Variants in KCNB2 observed in about 807,000 individuals in gnomAD.
KCNB2 encodes the protein delayed rectifier potassium channel protein.
KCNB2 carries 15 observed loss-of-function variants against 61.5 expected under a neutral mutation model. The observed-to-expected ratio is 0.24, with a 90% CI of 0.16 to 0.38. KCNB2 has a LOEUF of 0.38. Ranked by LOEUF, KCNB2 falls within the 10% of genes least tolerant of loss-of-function variation. KCNB2 has a pLI of 1.00. For missense variants in KCNB2, 828 were observed against 1,125.2 expected (o/e 0.74, Z 3.78); for synonymous variants, 457 against 446.0 (o/e 1.02, Z -0.31).
chr8:72,639,962 A>G (rs1806029215), intron 2 of KCNB2, among the ~76,000 whole-genome samples: 2 of 152,008 alleles, frequency 1.3e-5, no homozygotes, highest in African/African-American at 4.8e-5. Context: ...GATAGCAGAG[A>G]AGGGGGGACT....
rs1309593991 is a variant in KCNB2 at position 72,537,732 on chromosome 8, T to A, written c.-247T>A. 1 of 152,300 alleles carries A rather than the reference T, an allele frequency of 6.6e-6. No individual in the cohort carries two copies. The highest frequency in any genetic ancestry group is 1.5e-5 in the Non-Finnish European group (1 of 68,296). 9.4% of individuals were successfully genotyped at this position (152,300 alleles called of 1,614,324 possible). A position where few individuals can be genotyped will look rare whatever the true frequency, so the allele number is the denominator to read the frequency against. On this transcript the variant is annotated 5_prime_UTR_variant, in exon 1 of 3. Transcript: ENST00000523207. Reference sequence around the variant, plus strand: ...GAGCTCCAGCCAGCCGGGGAGACCCTCCTCTCTGTGGAGGGGAGGGGGATT... The same window carrying A: ...GAGCTCCAGCCAGCCGGGGAGACCCACCTCTCTGTGGAGGGGAGGGGGATT...
intron 2 of KCNB2, among the ~76,000 whole-genome samples, chr8:72,806,935 A>G (rs1585904677): frequency 6.6e-6 from 1 of 152,196 alleles, no homozygotes; most frequent in East Asian, 1.9e-4. Context: ...AATGTATCAC[A>G]GATCTCTCTT....
intron 2 of KCNB2, among the ~76,000 whole-genome samples, chr8:72,617,758 T>C (rs1161481983): frequency 6.6e-6 from 1 of 152,136 alleles, no homozygotes; most frequent in Non-Finnish European, 1.5e-5. Context: ...TTATAAACTC[T>C]CCATCTAGTG....
chr8:72,691,349 A>G (rs1806937486), intron 2 of KCNB2, among the ~76,000 whole-genome samples: 1 of 152,228 alleles, frequency 6.6e-6, no homozygotes, highest in Admixed American at 6.5e-5. Context: ...AAGTTGCCAT[A>G]AAAAGAAAAG....
At chr8:72,736,489 A>G (rs1189872069) in intron 2 of KCNB2, among the ~76,000 whole-genome samples, 1 of 152,138 alleles carries the variant, frequency 6.6e-6, no homozygotes, top group Non-Finnish European at 1.5e-5. Context: ...TCGTCTTAAG[A>G]ATCCATGACA....
At chr8:72,781,922 G>T (rs1002701328) in intron 2 of KCNB2, among the ~76,000 whole-genome samples, 4 of 151,976 alleles carry the variant, frequency 2.6e-5, no homozygotes, top group African/African-American at 9.7e-5. Flanking sequence ...GAGAACACAG[G>T]GTCATAGGGA....
intron 1 of KCNB2, among the ~76,000 whole-genome samples, chr8:72,561,610 T>A (rs1336949320): frequency 2.1e-5 from 3 of 145,666 alleles, no homozygotes; most frequent in Non-Finnish European, 4.5e-5. Flanking sequence ...TATTAAATAT[T>A]TCTGACCAGG....
intron 2 of KCNB2, among the ~76,000 whole-genome samples, chr8:72,591,163 T>C (rs908483086): frequency 6.6e-6 from 1 of 152,126 alleles, no homozygotes; most frequent in African/African-American, 2.4e-5. Flanking sequence ...ACCTCCTAAG[T>C]GTACTTTCCC....
At chr8:72,761,755 A>T (rs1194537194) in intron 2 of KCNB2, among the ~76,000 whole-genome samples, 10 of 151,640 alleles carry the variant, frequency 6.6e-5, no homozygotes, top group Non-Finnish European at 2.9e-5. Context: ...TCCATTAGCT[A>T]TGAAAGTTAC....
chr8:72,635,339 G>A (rs1399014410), intron 2 of KCNB2, among the ~76,000 whole-genome samples: 3 of 152,166 alleles, frequency 2.0e-5, no homozygotes, highest in African/African-American at 4.8e-5. Context: ...CTAAAGCAAT[G>A]TAATTCAATT....
intron 1 of KCNB2, among the ~76,000 whole-genome samples, chr8:72,561,716 T>TAC (rs1806520248): frequency 1.5e-4 from 4 of 26,988 alleles, no homozygotes; most frequent in Admixed American, 6.0e-4. Context: ...TATATATATA[T>TAC]ATATATATAT....
At chr8:72,890,195 A>G (rs1298655359) in intron 2 of KCNB2, among the ~76,000 whole-genome samples, 1 of 152,194 alleles carries the variant, frequency 6.6e-6, no homozygotes, top group East Asian at 1.9e-4. Flanking sequence ...TCATCTACCT[A>G]AATACAAATA....
intron 1 of KCNB2, among the ~76,000 whole-genome samples, chr8:72,557,598 T>C (rs1013583031): frequency 6.6e-6 from 1 of 152,172 alleles, no homozygotes; most frequent in Non-Finnish European, 1.5e-5. Flanking sequence ...CTATTCCTCA[T>C]CAGTCCAGTG....
intron 2 of KCNB2, among the ~76,000 whole-genome samples, chr8:72,917,375 A>G (rs927164705): frequency 2.8e-4 from 39 of 137,950 alleles, no homozygotes; most frequent in African/African-American, 1.1e-3. Context: ...CACCCTTATT[A>G]TAATGTTCAG....
intron 2 of KCNB2, among the ~76,000 whole-genome samples, chr8:72,728,056 A>T (rs959512952): frequency 1.3e-5 from 2 of 152,160 alleles, no homozygotes; most frequent in East Asian, 3.9e-4. Flanking sequence ...CTTGTTGGGT[A>T]ACTTGTAATT....
At chr8:72,616,395 T>C (rs1001647234) in intron 2 of KCNB2, among the ~76,000 whole-genome samples, 4 of 152,236 alleles carry the variant, frequency 2.6e-5, no homozygotes, top group Admixed American at 1.3e-4. Context: ...GAGTTAATCT[T>C]ACCAGGCTTT....
At chr8:72,733,557 G>A (rs1807786387) in intron 2 of KCNB2, among the ~76,000 whole-genome samples, 2 of 152,146 alleles carry the variant, frequency 1.3e-5, no homozygotes, top group Non-Finnish European at 2.9e-5. Flanking sequence ...GTAAAGCAGG[G>A]ATTATAATGA....
At chr8:72,848,292 A>G (rs571463001) in intron 2 of KCNB2, among the ~76,000 whole-genome samples, 5 of 152,182 alleles carry the variant, frequency 3.3e-5, no homozygotes, top group Non-Finnish European at 7.4e-5. Flanking sequence ...AGCCTTTAGT[A>G]GCTACTTGAA....
In KCNB2 at chr8:72,722,027, A is replaced by C. The variant is rs142205809; in HGVS notation, c.579+153714A>C. Reference sequence around the variant, plus strand: ...TAGTGATAACCACCCTAGTTTTCACAGCTATGCCAGCTGGGAACCCCAGGA... The same window carrying C: ...TAGTGATAACCACCCTAGTTTTCACCGCTATGCCAGCTGGGAACCCCAGGA... On this transcript the variant is annotated intron_variant, in intron 2 of 2. Transcript: ENST00000523207. 8.8e-3 allele frequency among the ~76,000 whole-genome samples: 1,334 copies of C among 152,324 alleles called. 17 individuals carry two copies. Among genetic ancestry groups the C allele is most frequent in the African/African-American group, 0.031 (1,273 of 41,572 alleles).
Sources: gnomAD v4.1 joint callset for allele counts (sites outside exome capture counted in the v4.1 genomes callset) on GRCh38, gnomAD v4.1.1 for gene constraint, MANE v1.5 for transcripts, NCBI Gene and HGNC (gene_info 2026-07-23, HGNC 2026-07-21) for gene names.